GPHN: variants seen among roughly 807,000 people sequenced by gnomAD.
GPHN encodes gephyrin.
A neutral mutation model predicts 95.5 loss-of-function variants in GPHN; 17 were observed. The observed-to-expected ratio is 0.18, with a 90% CI of 0.12 to 0.27. The LOEUF is 0.27. Ranked by LOEUF, GPHN falls within the 10% of genes least tolerant of loss-of-function variation. GPHN has a pLI of 1.00. For missense variants in GPHN, 660 were observed against 978.1 expected (o/e 0.67, Z 4.34); for synonymous variants, 320 against 322.5 (o/e 0.99, Z 0.08).
At chr14:67,616,944 G>A in the GPHN span, 10 of 151,892 alleles carry the variant, frequency 6.6e-5, no homozygotes, top group East Asian at 7.7e-4. Flanking sequence ...GTGCAATCTC[G>A]GCTCACTGCA....
At chr14:66,793,472 T>C (rs1595919080) in intron 3 of GPHN, among the ~76,000 whole-genome samples, 1 of 152,178 alleles carries the variant, frequency 6.6e-6, no homozygotes, top group South Asian at 2.1e-4. Flanking sequence ...CATATAAATA[T>C]ATTCTTGTCC....
chr14:66,967,412 TA>T (rs1251792189), intron 9 of GPHN, among the ~76,000 whole-genome samples: 2 of 152,000 alleles, frequency 1.3e-5, no homozygotes, highest in East Asian at 3.8e-4. Context: ...GGTGCTTTTA[TA>T]AGTGCTTTAA....
chr14:67,566,170 G>A, the GPHN span, among the ~76,000 whole-genome samples: 1 of 152,144 alleles, frequency 6.6e-6, no homozygotes, highest in Non-Finnish European at 1.5e-5. Flanking sequence ...AGACTTTTGG[G>A]CTATATCCTT....
chr14:67,038,938 G>C (rs762843978), intron 10 of GPHN, among the ~76,000 whole-genome samples: 1 of 152,072 alleles, frequency 6.6e-6, no homozygotes, highest in Admixed American at 6.6e-5. Context: ...TCCCATTCTT[G>C]TTGTAATAGT....
chr14:67,593,822 T>A, the GPHN span: 1 of 1,613,636 alleles, frequency 6.2e-7, no homozygotes, highest in Middle Eastern at 1.6e-4. Context: ...GCCTGAAGCA[T>A]AAGATGAAGT....
At chr14:67,552,708 A>G in the GPHN span, among the ~76,000 whole-genome samples, 1 of 151,452 alleles carries the variant, frequency 6.6e-6, no homozygotes, top group Non-Finnish European at 1.5e-5. Context: ...CGGAGCTTGC[A>G]GTGAGCCGAG....
intron 1 of GPHN, among the ~76,000 whole-genome samples, chr14:66,547,855 G>C (rs533344698): frequency 6.6e-6 from 1 of 152,120 alleles, no homozygotes; most frequent in African/African-American, 2.4e-5. Flanking sequence ...TGATGGTTAT[G>C]ATACTTAAAA....
At chr14:67,104,286 T>G (rs772618763) in intron 13 of GPHN, among the ~76,000 whole-genome samples, 1 of 152,146 alleles carries the variant, frequency 6.6e-6, no homozygotes, top group Non-Finnish European at 1.5e-5. Flanking sequence ...TATTAAGCAT[T>G]TTTGCACCAA....
At chr14:66,791,124 C>T (rs2059954859) in intron 3 of GPHN, among the ~76,000 whole-genome samples, 1 of 152,180 alleles carries the variant, frequency 6.6e-6, no homozygotes, top group Admixed American at 6.5e-5. Context: ...GCTTTTAACC[C>T]ACTCTGTCTT....
At chr14:66,863,646 G>A (rs2063118566) in intron 4 of GPHN, among the ~76,000 whole-genome samples, 1 of 152,040 alleles carries the variant, frequency 6.6e-6, no homozygotes, top group African/African-American at 2.4e-5. Context: ...ACAGAATAGA[G>A]AATCTAAAAA....
At chr14:67,593,554 G>C in the GPHN span, 1 of 555,264 alleles carries the variant, frequency 1.8e-6, no homozygotes, top group African/African-American at 1.9e-5. Flanking sequence ...TTTTGAAGTT[G>C]GTCTTGAAGA....
the GPHN span, among the ~76,000 whole-genome samples, chr14:67,459,776 T>G: frequency 3.9e-5 from 6 of 152,170 alleles, no homozygotes; most frequent in African/African-American, 1.4e-4. Context: ...AACAATTATA[T>G]CGTTGAAGTG....
chr14:67,429,394 CCAATTT>C, the GPHN span, among the ~76,000 whole-genome samples: 1 of 151,596 alleles, frequency 6.6e-6, no homozygotes, highest in Non-Finnish European at 1.5e-5. Context: ...CCACGCCCAG[CCAATTT>C]TTGTATTTTT....
the GPHN span, among the ~76,000 whole-genome samples, chr14:67,216,200 A>G: frequency 2.0e-5 from 3 of 152,008 alleles, no homozygotes; most frequent in Admixed American, 6.6e-5. Flanking sequence ...TTACATTAAG[A>G]TTTACTCCTT....
intron 3 of GPHN, among the ~76,000 whole-genome samples, chr14:66,815,129 G>A (rs2060913223): frequency 6.6e-6 from 1 of 152,108 alleles, no homozygotes; most frequent in African/African-American, 2.4e-5. Context: ...AAAAAGTATG[G>A]AAGGGAATGA....
At chr14:67,570,295 C>G in the GPHN span, 1 of 976,906 alleles carries the variant, frequency 1.0e-6, no homozygotes, top group Non-Finnish European at 1.2e-6. Context: ...TGCCTCACTC[C>G]TCAGGTCCCA....
chr14:67,168,148 G>A (rs2082390476), intron 20 of GPHN, among the ~76,000 whole-genome samples: 1 of 152,240 alleles, frequency 6.6e-6, no homozygotes, highest in Non-Finnish European at 1.5e-5. Context: ...GTGCCAGCAA[G>A]GTTGGCTTCT....
chr14:66,640,598 CTACTAG>C (rs754712536), intron 1 of GPHN, among the ~76,000 whole-genome samples: 71 of 152,200 alleles, frequency 4.7e-4, no homozygotes, highest in Non-Finnish European at 6.2e-4. Flanking sequence ...GTCCAAAGTG[CTACTAG>C]TACTTTTGTT....
At chr14:66,757,708 A>G (rs559875631) in intron 2 of GPHN, among the ~76,000 whole-genome samples, 1 of 152,288 alleles carries the variant, frequency 6.6e-6, no homozygotes, top group Admixed American at 6.5e-5. Flanking sequence ...TTTTATATGC[A>G]TAGAGGGACA....
Sources: allele counts gnomAD v4.1 joint callset (sites outside exome capture counted in the v4.1 genomes callset), GRCh38; gene constraint gnomAD v4.1.1; transcripts MANE v1.5; gene names NCBI Gene and HGNC (gene_info 2026-07-23, HGNC 2026-07-21).